SLC7A2: variants seen among roughly 807,000 people sequenced by gnomAD.
SLC7A2 encodes cationic amino acid transporter 2.
In SLC7A2, 48 loss-of-function variants were observed where a neutral mutation model predicts 58.9. That is an observed-to-expected ratio of 0.82 (90% CI 0.65 to 1.04). The LOEUF (loss-of-function observed/expected upper bound fraction) is 1.04. Ranked by LOEUF, SLC7A2 falls within the 50% of genes least tolerant of loss-of-function variation. SLC7A2 has a pLI of 0.00. For missense variants in SLC7A2, 1,029 were observed against 818.8 expected (o/e 1.26, Z -3.13); for synonymous variants, 363 against 314.5 (o/e 1.15, Z -1.63).
At chr8:17,502,914 A>T (rs1249515902) in intron 2 of SLC7A2, among the ~76,000 whole-genome samples, 1 of 151,954 alleles carries the variant, frequency 6.6e-6, no homozygotes. Context: ...CATGTTCATT[A>T]TATTATTATT....
chr8:17,547,624 A>G (rs1272051226), intron 4 of SLC7A2, among the ~76,000 whole-genome samples: 1 of 152,226 alleles, frequency 6.6e-6, no homozygotes, highest in Non-Finnish European at 1.5e-5. Flanking sequence ...GTAGAAAGAT[A>G]TTTATAAAAG....
At chr8:17,503,310 A>G (rs1037648295) in intron 2 of SLC7A2, among the ~76,000 whole-genome samples, 2 of 152,068 alleles carry the variant, frequency 1.3e-5, no homozygotes, top group Non-Finnish European at 2.9e-5. Context: ...TCGGCCTCCC[A>G]AAGTGCTGGG....
chr8:17,499,211 C>T (rs1280705940), intron 1 of SLC7A2: 1 of 152,212 alleles, frequency 6.6e-6, no homozygotes, highest in East Asian at 1.9e-4. Flanking sequence ...CCCAGAAGTC[C>T]TCTGGCAACT....
chr8:17,533,953 C>T (rs975622371), intron 2 of SLC7A2, among the ~76,000 whole-genome samples: 2 of 152,078 alleles, frequency 1.3e-5, no homozygotes, highest in Non-Finnish European at 2.9e-5. Context: ...TGTGTTGTTC[C>T]CCTCCCTATG....
chr8:17,559,557 ACT>A lies in SLC7A2; in HGVS notation c.1299-768_1299-767del, dbSNP rs549689612. On this transcript the variant is annotated intron_variant, in intron 9 of 12. Transcript: ENST00000494857. ...CTCCAGCCTGGGCAACAAGAGCGAA[ACT>A]CTGTCTCAAAAAAAAACATAACAAA... Among the ~76,000 whole-genome samples, 573 of 152,066 alleles carry A rather than the reference ACT, an allele frequency of 3.8e-3. 2 individuals carry two copies. The highest frequency in any genetic ancestry group is 0.013 in the African/African-American group (539 of 41,484).
chr8:17,537,215 C>A (rs1412857723), intron 2 of SLC7A2, among the ~76,000 whole-genome samples: 1 of 152,160 alleles, frequency 6.6e-6, no homozygotes, highest in Non-Finnish European at 1.5e-5. Flanking sequence ...TAACACCATG[C>A]CTGGCTAATT....
chr8:17,529,598 T>A lies in SLC7A2; in HGVS notation c.-22-13720T>A, dbSNP rs937887278. Reference sequence around the variant, plus strand: ...CAGGCTGGAGTGCAGTGATGTGATCTTGGCCCACTGCAACCTCTATCTACC... The same window carrying A: ...CAGGCTGGAGTGCAGTGATGTGATCATGGCCCACTGCAACCTCTATCTACC... On this transcript the variant is annotated intron_variant, in intron 2 of 12. Coordinates refer to ENST00000494857, the MANE Select transcript of SLC7A2 (RefSeq NM_001370338.1). Among the ~76,000 whole-genome samples, 53 of 151,846 alleles carry A rather than the reference T, an allele frequency of 3.5e-4. 1 individual carries two copies. Among genetic ancestry groups the A allele is most frequent in the Non-Finnish European group, 2.8e-4 (19 of 67,934 alleles).
chr8:17,508,500 G>A (rs965134540), intron 2 of SLC7A2, among the ~76,000 whole-genome samples: 2 of 152,170 alleles, frequency 1.3e-5, no homozygotes, highest in African/African-American at 2.4e-5. Flanking sequence ...AAGGCAGGCA[G>A]ATCACCTGAG....
intron 2 of SLC7A2, among the ~76,000 whole-genome samples, chr8:17,518,641 A>AAAAC (rs33941952): frequency 0.18 from 27,202 of 152,036 alleles, 2,524 homozygotes; most frequent in South Asian, 0.29. Flanking sequence ...CCATTAGCAA[A>AAAAC]AGACAAACAA....
Position 17,551,883 on chromosome 8 carries a change from C to T in SLC7A2, c.952C>T (p.Leu318Phe). 6.2e-7 allele frequency: 1 copy of T among 1,613,872 alleles called. No individual in the cohort carries two copies. The highest frequency in any genetic ancestry group is 2.2e-5 in the East Asian group (1 of 44,818). ...AALTLMMPYY[L>F]LDEKSPLPVA... ...TTTAACACTTATGATGCCGTACTAC[C>T]TCCTCGATGAAAAAAGCCCCCTTCC... The change falls in exon 7 of 13, where the codon CTC (leucine) becomes TTC (phenylalanine). Residue 318 changes from leucine to phenylalanine, a missense_variant. By Grantham distance (22) the Leu-to-Phe change is conservative. Transcript: ENST00000494857.
chr8:17,521,133 TC>T (rs1800998615), intron 2 of SLC7A2, among the ~76,000 whole-genome samples: 1 of 152,186 alleles, frequency 6.6e-6, no homozygotes, highest in African/African-American at 2.4e-5. Flanking sequence ...TTTTTGGTAG[TC>T]CTTGAGCCAT....
intron 10 of SLC7A2, among the ~76,000 whole-genome samples, chr8:17,561,732 G>A (rs1228544828): frequency 6.6e-6 from 1 of 152,144 alleles, no homozygotes; most frequent in East Asian, 1.9e-4. Context: ...GGAGGGGAGA[G>A]TAATGAGTAA....
At position 17,532,229 on chromosome 8, in the gene SLC7A2, CAAAAAAAA is replaced by C. The variant is rs534441508; in HGVS notation, c.-22-11066_-22-11059del. Among the ~76,000 whole-genome samples the C allele has an allele frequency of 1.5e-3, 68 of 46,188 alleles. 1 individual carries two copies. The highest frequency in any genetic ancestry group is 7.6e-3 in the South Asian group (4 of 524). The allele number at this position is 46,188 out of a possible 152,430, so 30.3% of individuals were successfully genotyped here. The stretch of plus-strand genomic sequence containing the variant: ...TGGGCAACAGGGCAAGACTCTATCT[CAAAAAAAA>C]AAAAAAAAAAAAAAAAAAAAAACCC... On this transcript the variant is annotated intron_variant, in intron 2 of 12. Coordinates refer to ENST00000494857, the MANE Select transcript of SLC7A2 (RefSeq NM_001370338.1).
intron 3 of SLC7A2, 36 bp from the exon 4 acceptor site, chr8:17,544,415 C>G (rs775487202): frequency 5.6e-6 from 9 of 1,594,660 alleles, no homozygotes; most frequent in African/African-American, 1.3e-5. Context: ...TAATTTGCCC[C>G]CAGTGACTTC....
Position 17,520,806 on chromosome 8 carries a change from A to G in SLC7A2, c.-23+18504A>G, listed in dbSNP as rs192482445. ...GAGCTTAAGCAGAGGATATTTTTAA[A>G]TAGAGCAGCATGTTTATTTTGTACT... On this transcript the variant is annotated intron_variant, in intron 2 of 12. Transcript: ENST00000494857. 75 of 581,238 alleles carry G rather than the reference A, an allele frequency of 1.3e-4. 1 individual carries two copies. In the East Asian group the frequency reaches 4.3e-3, roughly 33 times the overall value. 36.0% of individuals were successfully genotyped at this position (581,238 alleles called of 1,614,324 possible).
chr8:17,496,781 T>G (rs915679116), upstream of SLC7A2, among the ~76,000 whole-genome samples: 1 of 152,288 alleles, frequency 6.6e-6, no homozygotes. Flanking sequence ...GATTCGGAAA[T>G]GCCCTTGAGG....
chr8:17,524,241 G>C (rs1490733336), intron 2 of SLC7A2, among the ~76,000 whole-genome samples: 1 of 152,120 alleles, frequency 6.6e-6, no homozygotes, highest in African/African-American at 2.4e-5. Flanking sequence ...TGATCCAGCA[G>C]TCCCACTACT....
chr8:17,526,733 C>T lies in SLC7A2; in HGVS notation c.-22-16585C>T, dbSNP rs117670328. ...CCATCCATCAGAAAAATTTCAGCAG[C>T]GTGTGGTATCTAGTTGGAAGAGAAG... On this transcript the variant is annotated intron_variant, in intron 2 of 12. Transcript: ENST00000494857. 6.6e-3 allele frequency among the ~76,000 whole-genome samples: 1,005 copies of T among 152,080 alleles called. 9 individuals carry two copies. Among genetic ancestry groups the T allele is most frequent in the South Asian group, 0.02 (94 of 4,804 alleles).
chr8:17,563,822 T>C, intron 12 of SLC7A2, 111 bp downstream of exon 12: 1 of 693,046 alleles, frequency 1.4e-6, no homozygotes, highest in Non-Finnish European at 2.5e-6. Context: ...CTTCTTTCTT[T>C]CCTAATTCTT....
Sources: allele counts gnomAD v4.1 joint callset (sites outside exome capture counted in the v4.1 genomes callset), GRCh38; gene constraint gnomAD v4.1.1; transcripts MANE v1.5; gene names NCBI Gene and HGNC (gene_info 2026-07-23, HGNC 2026-07-21).